The following BACC1 variants were observed in gnomAD, a reference collection of about 807,000 sequenced individuals.
BACC1 encodes the protein BPTF-associated chromatin complex component 1.
chr17:7,017,094 A>AG, the BACC1 span: 1 of 1,531,112 alleles, frequency 6.5e-7, no homozygotes, highest in Non-Finnish European at 9.0e-7. Context: ...CGGTCTCCGC[A>AG]GGGGCCCCTC....
At chr17:7,016,789 T>C in the BACC1 span, 1 of 1,530,492 alleles carries the variant, frequency 6.5e-7, no homozygotes, top group Non-Finnish European at 9.0e-7. Flanking sequence ...TTCCTGTCCC[T>C]GTGGAGGTTC....
the BACC1 span, chr17:7,017,007 C>T: frequency 1.3e-4 from 212 of 1,612,050 alleles, no homozygotes; most frequent in Admixed American, 1.5e-4. Context: ...AACTCAACTT[C>T]GACCAGGGTA....
At chr17:7,015,021 A>AGGGC in the BACC1 span, 3 of 1,341,068 alleles carry the variant, frequency 2.2e-6, no homozygotes, top group African/African-American at 1.6e-5. Context: ...CGGGACGGGG[A>AGGGC]GGGCGGGCGC....
the BACC1 span, chr17:7,016,498 C>T: frequency 2.7e-5 from 43 of 1,612,634 alleles, no homozygotes; most frequent in South Asian, 4.6e-4. Flanking sequence ...TCTTCAGGGC[C>T]CAGATAAAGG....
chr17:7,016,475 C>G, the BACC1 span: 20 of 1,609,990 alleles, frequency 1.2e-5, no homozygotes, highest in East Asian at 3.8e-4. Context: ...CTTTCCTAAC[C>G]TCTTCTCTCT....
At chr17:7,015,510 T>G in the BACC1 span, 1 of 1,405,898 alleles carries the variant, frequency 7.1e-7, no homozygotes, top group Admixed American at 3.0e-5. Flanking sequence ...CAGTGTGCTG[T>G]GTACAGCAGC....
the BACC1 span, chr17:7,016,783 T>C: frequency 6.5e-7 from 1 of 1,530,272 alleles, no homozygotes; most frequent in Non-Finnish European, 8.9e-7. Context: ...TCTCTCTTCC[T>C]GTCCCTGTGG....
chr17:7,014,948 C>CT, the BACC1 span: 2 of 1,471,372 alleles, frequency 1.4e-6, no homozygotes, highest in Non-Finnish European at 1.8e-6. This position sits in a 1 kb window ranked among gnomAD's most constrained non-coding sequence, Gnocchi z 4.5. Flanking sequence ...TGGCTCGCGG[C>CT]TCTTCCGCCC....
chr17:7,016,237 C>T, the BACC1 span: 2 of 536,982 alleles, frequency 3.7e-6, no homozygotes, highest in Non-Finnish European at 6.5e-6. Context: ...TGTAAATCAC[C>T]AAGCTCTACC....
At chr17:7,014,828 C>G in the BACC1 span, 3 of 1,526,560 alleles carry the variant, frequency 2.0e-6, no homozygotes, top group South Asian at 3.6e-5. This position sits in a 1 kb window ranked among gnomAD's most constrained non-coding sequence, Gnocchi z 4.5. Context: ...GCGGCGGCGG[C>G]GGCGTCTCCG....
chr17:7,016,748 T>G, the BACC1 span: 11 of 1,559,514 alleles, frequency 7.1e-6, no homozygotes, highest in Non-Finnish European at 8.7e-6. Context: ...GTGAGAGAAT[T>G]GGGCCTGGGT....
the BACC1 span, chr17:7,015,218 A>T: frequency 6.7e-7 from 1 of 1,501,882 alleles, no homozygotes; most frequent in South Asian, 1.3e-5. Context: ...GGTCACAGAC[A>T]CGGACCCTCT....
At chr17:7,015,211 C>A in the BACC1 span, 1 of 1,510,598 alleles carries the variant, frequency 6.6e-7, no homozygotes, top group Non-Finnish European at 8.8e-7. Flanking sequence ...TGGACTCGGT[C>A]ACAGACACGG....
the BACC1 span, chr17:7,016,912 G>A: frequency 1.2e-6 from 2 of 1,613,128 alleles, no homozygotes; most frequent in African/African-American, 2.7e-5. Flanking sequence ...CTTCCCAGAT[G>A]TGACACTCAG....
chr17:7,016,622 C>G, the BACC1 span: 3 of 1,614,096 alleles, frequency 1.9e-6, no homozygotes, highest in East Asian at 6.7e-5. Flanking sequence ...TCCAGCTGCC[C>G]CTCCTCCCAG....
the BACC1 span, chr17:7,015,708 T>C: frequency 6.7e-7 from 1 of 1,486,686 alleles, no homozygotes; most frequent in Non-Finnish European, 9.3e-7. Context: ...GTGGGATGCA[T>C]AGCCTGTGGG....
chr17:7,014,955 GC>G, the BACC1 span: 1 of 1,459,968 alleles, frequency 6.8e-7, no homozygotes, highest in Non-Finnish European at 9.0e-7. This position sits in a 1 kb window ranked among gnomAD's most constrained non-coding sequence, Gnocchi z 4.5. Context: ...CGGCTCTTCC[GC>G]CCCGGGCGGG....
chr17:7,015,589 C>T, the BACC1 span: 3 of 1,400,338 alleles, frequency 2.1e-6, no homozygotes, highest in African/African-American at 2.9e-5. Flanking sequence ...GATTGGGGTC[C>T]TCCCGGTTCC....
At chr17:7,016,166 C>A in the BACC1 span, 1 of 521,948 alleles carries the variant, frequency 1.9e-6, no homozygotes, top group African/African-American at 1.9e-5. Context: ...GAGGACCCCA[C>A]TGCAGTGTTT....
Sources: gnomAD v4.1 joint callset for allele counts on GRCh38, gnomAD v4.1.1 for gene constraint, Gnocchi (gnomAD v3.1) non-coding constraint, MANE v1.5 for transcripts, NCBI Gene and HGNC (gene_info 2026-07-23, HGNC 2026-07-21) for gene names.